The following PPARD variants were observed in gnomAD, a reference collection of about 807,000 sequenced individuals.
PPARD encodes the protein peroxisome proliferator activated receptor delta, also known as peroxisome proliferator-activated receptor delta.
Under a neutral mutation model 39.5 loss-of-function variants are expected in PPARD, and 6 were observed. That is an observed-to-expected ratio of 0.15 (90% CI 0.08 to 0.30). PPARD has a LOEUF of 0.30. Among genes scored for constraint, PPARD ranks in the 10% least tolerant of loss-of-function variants. The pLI is 1.00. For missense variants in PPARD, 397 were observed against 596.8 expected, an observed-to-expected ratio of 0.67 and a Z score of 3.49; for synonymous variants, 210 against 231.3, an observed-to-expected ratio of 0.91 and a Z score of 0.83.
chr6:35,395,098 G>T (rs539914250), intron 2 of PPARD, among the ~76,000 whole-genome samples: 2 of 152,288 alleles, frequency 1.3e-5, no homozygotes, highest in South Asian at 4.1e-4. Flanking sequence ...GGGACAGAGA[G>T]GGGGGTGCCA....
chr6:35,356,881 C>T (rs548446157), intron 2 of PPARD, among the ~76,000 whole-genome samples: 14 of 152,350 alleles, frequency 9.2e-5, no homozygotes, highest in Middle Eastern at 3.4e-3. Flanking sequence ...TAGAAGTTTA[C>T]TCTCTTCAGT....
intron 2 of PPARD, among the ~76,000 whole-genome samples, chr6:35,372,061 A>G (rs967345526): frequency 2.0e-5 from 3 of 152,266 alleles, no homozygotes; most frequent in Non-Finnish European, 4.4e-5. Flanking sequence ...GGCCTTTGAC[A>G]GATTGTAACC....
rs1456291080 is a variant in PPARD, at chr6:35,425,672, G to A, written c.1079-160G>A. Reference sequence around the variant, plus strand: ...AGAAGTGGATTAAGACCAGGGGTAGGGAGATTAGAACACCCAGTGGAGCAT... The same window carrying A: ...AGAAGTGGATTAAGACCAGGGGTAGAGAGATTAGAACACCCAGTGGAGCAT... On this transcript the variant is annotated intron_variant, in intron 7 of 7. Transcript: ENST00000360694. The surrounding 1 kb of genome is among the most constrained non-coding windows in gnomAD (Gnocchi z 4.5). 6.6e-6 allele frequency among the ~76,000 whole-genome samples: 1 copy of A among 152,178 alleles called. No individual in the cohort carries two copies. The highest frequency in any genetic ancestry group is 1.5e-5 in the Non-Finnish European group (1 of 68,028).
intron 2 of PPARD, among the ~76,000 whole-genome samples, chr6:35,384,942 G>T (rs1337576568): frequency 0.012 from 1,494 of 126,016 alleles, 14 homozygotes; most frequent in African/African-American, 0.052. Context: ...CAGGCCAGCC[G>T]CCCCATCCGG....
Position 35,425,990 on chromosome 6 carries a change from C to T in PPARD, c.1237C>T (p.His413Tyr). 6.2e-7 allele frequency: 1 copy of T among 1,614,200 alleles called. No individual in the cohort carries two copies. Among genetic ancestry groups the T allele is most frequent in the Non-Finnish European group, 8.5e-7 (1 of 1,180,048 alleles). Residue 413 changes from histidine to tyrosine, a missense_variant, in exon 8 of 8, where the codon CAC becomes TAC. Physicochemically the swap from His to Tyr is moderately conservative, Grantham distance 83. Coordinates refer to ENST00000360694, the MANE Select transcript of PPARD (RefSeq NM_006238.5). This position sits in a 1 kb window ranked among gnomAD's most constrained non-coding sequence, Gnocchi z 4.5. ...MADLRQLVTE[H>Y]AQMMQRIKKT... is the part of the protein sequence containing the mutation. ...TGACCTGCGGCAACTGGTCACCGAG[C>T]ACGCCCAGATGATGCAGCGGATCAA... is the stretch of plus-strand genomic sequence containing the variant.
At chr6:35,420,105 C>T (rs770398734) in intron 3 of PPARD, 22 bp from the exon 4 acceptor site, 1 of 1,606,448 alleles carries the variant, frequency 6.2e-7, no homozygotes, top group Non-Finnish European at 8.5e-7. Context: ...TGTGGAGCTG[C>T]CCCTCCATCG....
chr6:35,385,657 A>C (rs547870641), intron 2 of PPARD, among the ~76,000 whole-genome samples: 3,031 of 138,272 alleles, frequency 0.022, 75 homozygotes, highest in African/African-American at 0.064. Flanking sequence ...AAAAAAAAAA[A>C]AAAAAAAAAA....
intron 2 of PPARD, among the ~76,000 whole-genome samples, chr6:35,388,595 C>T (rs1763820834): frequency 6.6e-6 from 1 of 152,156 alleles, no homozygotes; most frequent in African/African-American, 2.4e-5. Context: ...ACGTGTAATC[C>T]CAACTACTCA....
intron 2 of PPARD, among the ~76,000 whole-genome samples, chr6:35,387,713 A>ATTT (rs1472641294): frequency 3.2e-5 from 4 of 123,222 alleles, no homozygotes; most frequent in African/African-American, 1.4e-4. Flanking sequence ...GATACACTGC[A>ATTT]TTCTTTTTTT....
At chr6:35,350,612 CTTTTTTTTTTTT>C (rs959545502) in intron 2 of PPARD, among the ~76,000 whole-genome samples, 2 of 104,592 alleles carry the variant, frequency 1.9e-5, no homozygotes, top group Non-Finnish European at 3.8e-5. Context: ...GTCTATGTGT[CTTTTTTTTTTTT>C]TTTTTTTTTT....
At chr6:35,371,981 C>T (rs1762503093) in intron 2 of PPARD, among the ~76,000 whole-genome samples, 1 of 152,228 alleles carries the variant, frequency 6.6e-6, no homozygotes, top group African/African-American at 2.4e-5. Flanking sequence ...GTTGTGTGCA[C>T]AGCAGCTACA....
At chr6:35,348,928 A>G in intron 2 of PPARD, 1 of 985,350 alleles carries the variant, frequency 1.0e-6, no homozygotes, top group Non-Finnish European at 1.2e-6. Flanking sequence ...AGCCAGGCCC[A>G]GTGGCAGCAA....
At chr6:35,418,447 C>T (rs552411865) in intron 3 of PPARD, among the ~76,000 whole-genome samples, 2 of 152,352 alleles carry the variant, frequency 1.3e-5, no homozygotes, top group Middle Eastern at 3.4e-3. Context: ...AGAGCTATCG[C>T]GTGCCTGCTG....
intron 2 of PPARD, among the ~76,000 whole-genome samples, chr6:35,362,350 G>C (rs962783923): frequency 2.0e-5 from 3 of 152,116 alleles, no homozygotes; most frequent in East Asian, 1.9e-4. Context: ...GCAGAGGGTA[G>C]AGAGGTGCAT....
At chr6:35,367,073 T>A (rs1273678443) in intron 2 of PPARD, among the ~76,000 whole-genome samples, 1 of 151,684 alleles carries the variant, frequency 6.6e-6, no homozygotes, top group Non-Finnish European at 1.5e-5. Flanking sequence ...GGAGGTGAGG[T>A]TTTGTCCGTT....
At chr6:35,383,842 C>T (rs1432470129) in intron 2 of PPARD, among the ~76,000 whole-genome samples, 2 of 147,418 alleles carry the variant, frequency 1.4e-5, no homozygotes, top group African/African-American at 2.6e-5. Context: ...GCAGCTGCCC[C>T]GTCTGAGAAA....
At chr6:35,347,908 C>CT (rs149146314) in intron 2 of PPARD, among the ~76,000 whole-genome samples, 3,704 of 122,048 alleles carry the variant, frequency 0.03, 82 homozygotes, top group Middle Eastern at 0.069. Context: ...CGCACCTGGC[C>CT]TTTTTTTTTT....
In PPARD at chr6:35,421,899, G is replaced by A. The variant is rs201097601; in HGVS notation, c.365G>A (p.Arg122His). ...ERSCKIQKKN[R>H]NKCQYCRFQK... Reference sequence around the variant, plus strand: ...AGCTGCAAGATTCAGAAGAAGAACCGCAACAAGTGCCAGTACTGCCGCTTC... The same window carrying A: ...AGCTGCAAGATTCAGAAGAAGAACCACAACAAGTGCCAGTACTGCCGCTTC... The change falls in exon 5 of 8, where the codon CGC (arginine) becomes CAC (histidine). Residue 122 changes from arginine (R) to histidine (H), a missense_variant. Arg to His is a conservative substitution (Grantham distance 29). Transcript: ENST00000360694. 1.2e-6 allele frequency: 2 copies of A among 1,613,924 alleles called. No homozygotes were observed. Among genetic ancestry groups the A allele is most frequent in the Non-Finnish European group, 1.7e-6 (2 of 1,179,884 alleles).
At chr6:35,374,133 G>C (rs1475425198) in intron 2 of PPARD, among the ~76,000 whole-genome samples, 1 of 152,090 alleles carries the variant, frequency 6.6e-6, no homozygotes, top group Non-Finnish European at 1.5e-5. Context: ...CACAGACACA[G>C]GGTTTCCTGC....
Sources: gnomAD v4.1 joint callset for allele counts (sites outside exome capture counted in the v4.1 genomes callset) on GRCh38, gnomAD v4.1.1 for gene constraint, Gnocchi (gnomAD v3.1) non-coding constraint, MANE v1.5 for transcripts, NCBI Gene and HGNC (gene_info 2026-07-23, HGNC 2026-07-21) for gene names.